Variants in EYS observed in about 807,000 individuals in gnomAD.
EYS encodes the protein EGF-like photoreceptor maintenance factor, also known as protein eyes shut homolog.
In EYS, 250 loss-of-function variants were observed where a neutral mutation model predicts 282.1. The ratio of observed to expected loss-of-function variants is 0.89; its 90% confidence interval spans 0.80 to 0.98. The LOEUF is 0.98. Among genes scored for constraint, EYS ranks in the 50% least tolerant of loss-of-function variants. The pLI is 0.00. For missense variants in EYS, 4,016 were observed against 3,709.0 expected, an observed-to-expected ratio of 1.08 and a Z score of -2.15; for synonymous variants, 1,355 against 1,282.9, an observed-to-expected ratio of 1.06 and a Z score of -1.20.
In EYS at chr6:64,436,281, A is replaced by T. The variant is rs1437089658; in HGVS notation, c.5836-16T>A. 3 of 1,464,334 alleles carry T rather than the reference A, an allele frequency of 2.0e-6. No individual in the cohort carries two copies. Among genetic ancestry groups the T allele is most frequent in the South Asian group, 1.3e-5 (1 of 78,588 alleles). 90.7% of individuals were successfully genotyped at this position (1,464,334 alleles called of 1,614,324 possible). A position where few individuals can be genotyped will look rare whatever the true frequency, so the allele number is the denominator to read the frequency against. ...AAAAGTGGTACTGTTGGGGGAAAAA[A>T]TTTTGTCCTCAAACAGTTTTTCAGC... On this transcript the variant is annotated splice_polypyrimidine_tract_variant and intron_variant, in intron 27 of 42. Transcript: ENST00000503581.
intron 24 of EYS, among the ~76,000 whole-genome samples, chr6:64,612,197 A>AT (rs148231497): frequency 1.5e-3 from 222 of 152,086 alleles, no homozygotes; most frequent in African/African-American, 5.0e-3. Flanking sequence ...TAGTTTCTCC[A>AT]TTTTTTCTTC....
At chr6:64,414,815 G>C (rs886361913) in intron 28 of EYS, among the ~76,000 whole-genome samples, 1 of 152,218 alleles carries the variant, frequency 6.6e-6, no homozygotes, top group Non-Finnish European at 1.5e-5. Flanking sequence ...GTTGATGTAA[G>C]ATAGGTAAAT....
intron 12 of EYS, among the ~76,000 whole-genome samples, chr6:65,092,291 A>G (rs975199647): frequency 1.3e-5 from 2 of 152,182 alleles, no homozygotes; most frequent in African/African-American, 4.8e-5. Context: ...GAAAAGTTGT[A>G]GAAGTGGTCT....
intron 2 of EYS, among the ~76,000 whole-genome samples, chr6:65,517,153 A>C (rs1767165499): frequency 6.6e-6 from 1 of 151,924 alleles, no homozygotes; most frequent in Admixed American, 6.6e-5. Context: ...TTGGATTTAA[A>C]CCAAAGGAAC....
chr6:65,482,588 T>C (rs1765647199), intron 5 of EYS, among the ~76,000 whole-genome samples: 1 of 152,210 alleles, frequency 6.6e-6, no homozygotes, highest in Non-Finnish European at 1.5e-5. Context: ...TCACAAATTC[T>C]ACCCACTGGT....
chr6:65,188,126 C>T, intron 12 of EYS, among the ~76,000 whole-genome samples: 1 of 151,552 alleles, frequency 6.6e-6, no homozygotes, highest in Non-Finnish European at 1.5e-5. Context: ...TATATATACT[C>T]ATATCAATCT....
At chr6:64,564,524 G>C (rs962613051) in intron 26 of EYS, among the ~76,000 whole-genome samples, 2 of 151,646 alleles carry the variant, frequency 1.3e-5, no homozygotes, top group Non-Finnish European at 2.9e-5. Flanking sequence ...CTCGTGATCC[G>C]TCCACCTCCG....
intron 13 of EYS, among the ~76,000 whole-genome samples, chr6:65,045,929 A>G (rs992166308): frequency 6.6e-6 from 1 of 151,992 alleles, no homozygotes; most frequent in African/African-American, 2.4e-5. Flanking sequence ...TGTTATTAAC[A>G]ACCTTTCTTA....
intron 22 of EYS, among the ~76,000 whole-genome samples, chr6:64,644,582 T>G (rs1394383871): frequency 1.3e-5 from 2 of 152,126 alleles, no homozygotes. Flanking sequence ...TTCTGGAGAT[T>G]TATACTTATA....
chr6:64,959,730 G>A (rs1207175905), intron 14 of EYS, among the ~76,000 whole-genome samples: 1 of 152,052 alleles, frequency 6.6e-6, no homozygotes, highest in Non-Finnish European at 1.5e-5. Context: ...AAAAGCACCA[G>A]ATATTAACAA....
intron 5 of EYS, among the ~76,000 whole-genome samples, chr6:65,420,232 G>A (rs966707050): frequency 9.9e-5 from 15 of 151,832 alleles, no homozygotes; most frequent in African/African-American, 4.8e-5. Flanking sequence ...GTTGGTCCTC[G>A]CAAACCCTGC....
At chr6:65,573,649 G>A (rs1764556641) in intron 2 of EYS, among the ~76,000 whole-genome samples, 1 of 152,104 alleles carries the variant, frequency 6.6e-6, no homozygotes, top group South Asian at 2.1e-4. Flanking sequence ...TGGCTGTACT[G>A]GTACAGCCTA....
chr6:64,448,411 G>T (rs939648935), intron 26 of EYS, among the ~76,000 whole-genome samples: 1 of 152,240 alleles, frequency 6.6e-6, no homozygotes, highest in Non-Finnish European at 1.5e-5. Flanking sequence ...GCCTGCCTCT[G>T]TAGGCTCCAC....
At chr6:64,394,850 C>T (rs201787385) in intron 28 of EYS, among the ~76,000 whole-genome samples, 1 of 151,952 alleles carries the variant, frequency 6.6e-6, no homozygotes. Flanking sequence ...AGGCAACTGA[C>T]AAAATGGGAG....
chr6:64,290,708 A>G (rs1262047323), intron 30 of EYS, among the ~76,000 whole-genome samples: 1 of 151,954 alleles, frequency 6.6e-6, no homozygotes, highest in Non-Finnish European at 1.5e-5. Flanking sequence ...AATAGATGAC[A>G]AAGTCCAAAG....
chr6:65,316,186 G>A (rs190194230), intron 11 of EYS, among the ~76,000 whole-genome samples: 1 of 152,156 alleles, frequency 6.6e-6, no homozygotes, highest in Admixed American at 6.5e-5. Flanking sequence ...TTCTCACTCT[G>A]TGGCTTGTTT....
intron 31 of EYS, among the ~76,000 whole-genome samples, chr6:64,142,525 C>T (rs187060388): frequency 3.8e-4 from 58 of 152,132 alleles, no homozygotes; most frequent in African/African-American, 9.4e-4. Context: ...AAAGGGAAAA[C>T]GAGAAGTATT....
At chr6:65,249,105 CTG>C (rs1303905467) in intron 12 of EYS, among the ~76,000 whole-genome samples, 4 of 145,860 alleles carry the variant, frequency 2.7e-5, no homozygotes, top group African/African-American at 7.5e-5. Context: ...CATGAACAAA[CTG>C]TGGAATAAAA....
chr6:63,761,169 T>C (rs1422289387), intron 41 of EYS, among the ~76,000 whole-genome samples: 1 of 151,580 alleles, frequency 6.6e-6, no homozygotes, highest in Non-Finnish European at 1.5e-5. Context: ...CAAGGTGAAG[T>C]GATAGCACCT....
Sources: allele counts gnomAD v4.1 joint callset (sites outside exome capture counted in the v4.1 genomes callset), GRCh38; gene constraint gnomAD v4.1.1; transcripts MANE v1.5; gene names NCBI Gene and HGNC (gene_info 2026-07-23, HGNC 2026-07-21).